BTC: variants seen among roughly 807,000 people sequenced by gnomAD.
The protein encoded by BTC is probetacellulin.
A neutral mutation model predicts 18.1 loss-of-function variants in BTC; 13 were observed. That is an observed-to-expected ratio of 0.72 (90% CI 0.47 to 1.14). The LOEUF is 1.14. Among genes scored for constraint, BTC ranks in the 50% most tolerant of loss-of-function variants. The pLI is 0.00. For missense variants in BTC, 247 were observed against 224.2 expected (o/e 1.10, Z -0.65); for synonymous variants, 83 against 79.4 (o/e 1.05, Z -0.24).
At chr4:74,778,210 T>C (rs921300846) in intron 1 of BTC, among the ~76,000 whole-genome samples, 2 of 152,178 alleles carry the variant, frequency 1.3e-5, no homozygotes, top group African/African-American at 4.8e-5. Context: ...CATTCTGCTT[T>C]AACATGGCCC....
In BTC at chr4:74,755,263, T is replaced by C. The variant is rs193117475; in HGVS notation, c.281+596A>G. ...TAAGGAAAGGTCCCAGGAAGCACAT[T>C]AGTGGGATATCTTTTTAGAAGAAAA... On this transcript the variant is annotated intron_variant, in intron 3 of 5. Transcript: ENST00000395743. Among the ~76,000 whole-genome samples, 2 of 152,316 alleles carry C rather than the reference T, an allele frequency of 1.3e-5. 1 individual carries two copies. The highest frequency in any genetic ancestry group is 4.8e-5 in the African/African-American group (2 of 41,566).
chr4:74,755,870 C>A lies in BTC; in HGVS notation c.270G>T (p.Thr90=). ...GACACTCCACTTACACACAGGAGGGCGTCTGCTCGGCCACCACGAAGCGGC... is the reference window on the plus strand; with the variant it reads ...GACACTCCACTTACACACAGGAGGGAGTCTGCTCGGCCACCACGAAGCGGC... The part of the protein sequence containing the change: ...GRCRFVVAEQ[T]PSCVCDEGYI... The change falls in exon 3 of 6, where the codon ACG becomes ACT. Residue 90 remains threonine (T), a synonymous_variant. Transcript: ENST00000395743. 2 of 1,614,010 alleles carry A rather than the reference C, an allele frequency of 1.2e-6. No individual in the cohort carries two copies. The highest frequency in any genetic ancestry group is 1.7e-6 in the Non-Finnish European group (2 of 1,179,964).
At chr4:74,751,376 T>A (rs963312870) in intron 3 of BTC, among the ~76,000 whole-genome samples, 1 of 152,114 alleles carries the variant, frequency 6.6e-6, no homozygotes. Flanking sequence ...CCTCCTTCAT[T>A]ACATCCCTGC....
intron 4 of BTC, among the ~76,000 whole-genome samples, chr4:74,750,256 C>T (rs1415879323): frequency 6.6e-6 from 1 of 152,000 alleles, no homozygotes; most frequent in Admixed American, 6.5e-5. Context: ...TTTAATGTGG[C>T]AAAGCAAAAA....
intron 1 of BTC, among the ~76,000 whole-genome samples, chr4:74,789,260 G>A (rs566899602): frequency 1.8e-4 from 27 of 152,202 alleles, no homozygotes; most frequent in African/African-American, 6.5e-4. Context: ...CCTTTTGCTT[G>A]CCTCCATAAT....
chr4:74,794,314 G>C lies in BTC; in HGVS notation c.12C>G (p.Ala4=). 1 of 1,547,394 alleles carries C rather than the reference G, an allele frequency of 6.5e-7. No homozygotes were observed. Among genetic ancestry groups the C allele is most frequent in the Non-Finnish European group, 8.7e-7 (1 of 1,146,042 alleles). MDR[A]ARCSGASSLP... is the part of the protein sequence containing the mutation. ...GGGAGCTGGCGCCGCTGCACCGGGC[G>C]GCCCGGTCCATCAACCCCGCTCTGC... The change falls in exon 1 of 6, where the codon GCC becomes GCG. Residue 4 remains alanine, a synonymous_variant. Transcript: ENST00000395743.
At chr4:74,749,268 A>G (rs888180311) in intron 4 of BTC, among the ~76,000 whole-genome samples, 2 of 152,104 alleles carry the variant, frequency 1.3e-5, no homozygotes, top group Admixed American at 6.5e-5. Context: ...CTCTACTACA[A>G]CTACAAAAAT....
At chr4:74,764,143 T>C (rs28472417) in intron 2 of BTC, among the ~76,000 whole-genome samples, 35,059 of 152,020 alleles carry the variant, frequency 0.23, 5,252 homozygotes, top group African/African-American at 0.43. Context: ...AAATAACTAC[T>C]TCCTCAGTGA....
At chr4:74,770,562 TC>T (rs1725011009) in intron 1 of BTC, among the ~76,000 whole-genome samples, 1 of 152,182 alleles carries the variant, frequency 6.6e-6, no homozygotes, top group African/African-American at 2.4e-5. Context: ...GCCAGCGTTC[TC>T]AGGTGTTAAC....
chr4:74,793,880 G>A (rs960977989), intron 1 of BTC, among the ~76,000 whole-genome samples: 6 of 150,802 alleles, frequency 4.0e-5, no homozygotes, highest in Non-Finnish European at 7.4e-5. Flanking sequence ...GCTCGCCCCT[G>A]CCCCCACCCC....
chr4:74,745,439 T>C lies in BTC; in HGVS notation c.*1238A>G, dbSNP rs1188703491. 6.6e-6 allele frequency: 1 copy of C among 152,236 alleles called. No homozygotes were observed. Among genetic ancestry groups the C allele is most frequent in the Non-Finnish European group, 1.5e-5 (1 of 68,038 alleles). The allele number at this position is 152,236 out of a possible 1,614,324, so 9.4% of individuals were successfully genotyped here. A position where few individuals can be genotyped will look rare whatever the true frequency, so the allele number is the denominator to read the frequency against. On this transcript the variant is annotated 3_prime_UTR_variant, in exon 6 of 6. Transcript: ENST00000395743. The stretch of plus-strand genomic sequence containing the variant: ...GGCACAAGTTGGGGGGCATCTTCCA[T>C]CGATTTTTGTAAGTGAACCACGTAA...
intron 2 of BTC, among the ~76,000 whole-genome samples, chr4:74,768,332 A>G (rs1437574962): frequency 6.6e-6 from 1 of 152,160 alleles, no homozygotes; most frequent in Non-Finnish European, 1.5e-5. Context: ...TTATTTCATA[A>G]AAGTCAAAAG....
intron 1 of BTC, among the ~76,000 whole-genome samples, chr4:74,780,439 AC>A (rs1413654738): frequency 6.6e-6 from 1 of 152,164 alleles, no homozygotes; most frequent in African/African-American, 2.4e-5. Context: ...TCACATCTCA[AC>A]CAAACTTACA....
At chr4:74,776,218 A>C (rs1725172902) in intron 1 of BTC, among the ~76,000 whole-genome samples, 1 of 150,690 alleles carries the variant, frequency 6.6e-6, no homozygotes, top group African/African-American at 2.4e-5. Flanking sequence ...TTTTCCTTTT[A>C]AATGTTTTTT....
intron 2 of BTC, among the ~76,000 whole-genome samples, chr4:74,762,234 C>A (rs1253250306): frequency 1.3e-5 from 2 of 152,152 alleles, no homozygotes; most frequent in Admixed American, 6.5e-5. Context: ...ACATTTTGAT[C>A]TTCCCATGTG....
chr4:74,763,894 A>G (rs1724830458), intron 2 of BTC, among the ~76,000 whole-genome samples: 1 of 152,210 alleles, frequency 6.6e-6, no homozygotes, highest in East Asian at 1.9e-4. Flanking sequence ...GTTTGAGGTG[A>G]TAGATACATG....
intron 3 of BTC, among the ~76,000 whole-genome samples, chr4:74,754,646 T>C (rs1242266167): frequency 2.6e-4 from 40 of 152,202 alleles, no homozygotes; most frequent in Non-Finnish European, 2.9e-5. Context: ...TATGGTGAGA[T>C]ACAGCTAGAA....
chr4:74,760,305 C>T (rs531835015), intron 2 of BTC, among the ~76,000 whole-genome samples: 2 of 152,266 alleles, frequency 1.3e-5, no homozygotes, highest in South Asian at 4.1e-4. Context: ...CAGGTCTTAA[C>T]AAGGAGACTG....
At chr4:74,756,253 C>T (rs1275024981) in intron 2 of BTC, among the ~76,000 whole-genome samples, 1 of 152,074 alleles carries the variant, frequency 6.6e-6, no homozygotes, top group Non-Finnish European at 1.5e-5. Flanking sequence ...AAGGGTAAAA[C>T]ACAAGTATAA....
Sources: allele counts gnomAD v4.1 joint callset (sites outside exome capture counted in the v4.1 genomes callset), GRCh38; gene constraint gnomAD v4.1.1; transcripts MANE v1.5; gene names NCBI Gene and HGNC (gene_info 2026-07-23, HGNC 2026-07-21).